SCML4: variants seen among roughly 807,000 people sequenced by gnomAD.
SCML4 encodes the protein Scm polycomb group protein like 4.
In SCML4, 34 loss-of-function variants were observed where a neutral mutation model predicts 41.1. The observed-to-expected ratio is 0.83, with a 90% CI of 0.63 to 1.10. The LOEUF (loss-of-function observed/expected upper bound fraction) is 1.10. SCML4 is among the 50% of genes least tolerant of loss of function. The probability of loss-of-function intolerance (pLI) is 0.00; values close to 1 mark genes in which losing one functional copy is unlikely to be tolerated. For missense variants in SCML4, 522 were observed against 534.1 expected, an observed-to-expected ratio of 0.98 and a Z score of 0.22; for synonymous variants, 214 against 220.9, an observed-to-expected ratio of 0.97 and a Z score of 0.28.
chr6:107,755,732 A>G (rs1779056449), intron 2 of SCML4: 2 of 658,716 alleles, frequency 3.0e-6, no homozygotes, highest in South Asian at 2.4e-5. Flanking sequence ...GTTCTGATAT[A>G]GTGGTTTCTA....
At chr6:107,802,620 A>AAGGTAGGAAGGAAGGAAGGAAGGT (rs1288469286) in intron 1 of SCML4, among the ~76,000 whole-genome samples, 1 of 139,864 alleles carries the variant, frequency 7.1e-6, no homozygotes, top group African/African-American at 2.8e-5. Flanking sequence ...GGAAGGAAGG[A>AAGGTAGGAAGGAAGGAAGGAAGGT]AGGAAGGAAG....
chr6:107,738,569 C>T (rs1171051139), intron 5 of SCML4, among the ~76,000 whole-genome samples: 1 of 151,712 alleles, frequency 6.6e-6, no homozygotes, highest in Non-Finnish European at 1.5e-5. Context: ...CGCAGTGAGC[C>T]GAGTTCGTAC....
chr6:107,815,402 G>A (rs967710631), intron 1 of SCML4, among the ~76,000 whole-genome samples: 1 of 152,220 alleles, frequency 6.6e-6, no homozygotes, highest in African/African-American at 2.4e-5. Context: ...TTACAAAAAA[G>A]CAATATGTAT....
chr6:107,809,531 AC>A (rs1376111828), intron 1 of SCML4, among the ~76,000 whole-genome samples: 13 of 152,174 alleles, frequency 8.5e-5, no homozygotes, highest in African/African-American at 3.1e-4. Context: ...AATGCAGAAA[AC>A]TTTTTTGAAA....
chr6:107,759,166 AC>A (rs1219023273), intron 2 of SCML4, among the ~76,000 whole-genome samples: 2 of 151,346 alleles, frequency 1.3e-5, no homozygotes, highest in East Asian at 3.9e-4. Context: ...CTGAAACAAA[AC>A]AAAACAAAAA....
the SCML4 span, among the ~76,000 whole-genome samples, chr6:107,841,593 G>A: frequency 3.1e-3 from 473 of 152,252 alleles, 8 homozygotes; most frequent in African/African-American, 0.011. Flanking sequence ...TCGTTCCCAC[G>A]TCTGTAAAAT....
At chr6:107,737,930 TA>T (rs1351841850) in intron 5 of SCML4, among the ~76,000 whole-genome samples, 1 of 152,034 alleles carries the variant, frequency 6.6e-6, no homozygotes, top group Non-Finnish European at 1.5e-5. Context: ...TAATTTTTTT[TA>T]AAAAAAGAAA....
At chr6:107,782,404 C>T (rs568147697) in intron 1 of SCML4, among the ~76,000 whole-genome samples, 4 of 152,310 alleles carry the variant, frequency 2.6e-5, no homozygotes, top group Admixed American at 6.5e-5. Flanking sequence ...GGGAGGGATC[C>T]GGTCCCGGGG....
intron 1 of SCML4, among the ~76,000 whole-genome samples, chr6:107,812,872 C>CAT (rs1244878880): frequency 5.8e-5 from 7 of 119,724 alleles, no homozygotes; most frequent in African/African-American, 2.2e-4. Context: ...TCTTTACACA[C>CAT]AGACACATAC....
chr6:107,812,803 C>T (rs1326711893), intron 1 of SCML4, among the ~76,000 whole-genome samples: 1 of 151,760 alleles, frequency 6.6e-6, no homozygotes, highest in Non-Finnish European at 1.5e-5. Flanking sequence ...AGCTTCCAAT[C>T]ACAGATCTCG....
Position 107,703,004 on chromosome 6 carries a change from A to T in SCML4, c.*2196T>A. Among the ~76,000 whole-genome samples, 1 of 152,086 alleles carries T rather than the reference A, an allele frequency of 6.6e-6. No individual in the cohort carries two copies. The highest frequency in any genetic ancestry group is 1.9e-4 in the East Asian group (1 of 5,190). Reference sequence around the variant, plus strand: ...CAAAACCAAGATGGCAACGAGAGTGACCTCTGGTTGTCCTCGCTGCTATAC... The same window carrying T: ...CAAAACCAAGATGGCAACGAGAGTGTCCTCTGGTTGTCCTCGCTGCTATAC... On this transcript the variant is annotated 3_prime_UTR_variant, in exon 8 of 8. Coordinates refer to ENST00000369020, the MANE Select transcript of SCML4 (RefSeq NM_198081.5).
chr6:107,786,564 T>C (rs185065545), intron 1 of SCML4, among the ~76,000 whole-genome samples: 184 of 152,362 alleles, frequency 1.2e-3, no homozygotes, highest in Non-Finnish European at 1.8e-3. Flanking sequence ...TGTTCTAATA[T>C]GCTTGAGCTC....
At chr6:107,759,489 G>A (rs1020372571) in intron 2 of SCML4, among the ~76,000 whole-genome samples, 2 of 152,162 alleles carry the variant, frequency 1.3e-5, no homozygotes, top group African/African-American at 4.8e-5. Context: ...TGGAAGTAGG[G>A]AGGTGGAAAG....
At position 107,751,616 on chromosome 6, in the gene SCML4, T is replaced by TCTCTCTCTCTCTC. The variant is rs1562218800; in HGVS notation, c.157-1804_157-1803insGAGAGAGAGAGAG. On this transcript the variant is annotated intron_variant, in intron 2 of 7. Coordinates refer to ENST00000369020, the MANE Select transcript of SCML4 (RefSeq NM_198081.5). Reference sequence around the variant, plus strand: ...TTTCTTTCTTTCTTTCTTTCTTTCTTTCTTTCTTTCTTTCTTTCTTTCTTT... The same window carrying TCTCTCTCTCTCTC: ...TTTCTTTCTTTCTTTCTTTCTTTCTTCTCTCTCTCTCTCTCTTTCTTTCTTTCTTTCTTTCTTT... Among the ~76,000 whole-genome samples, 9 of 147,694 alleles carry TCTCTCTCTCTCTC rather than the reference T, an allele frequency of 6.1e-5. No homozygotes were observed. In the East Asian group the frequency reaches 1.1e-3, roughly 17 times the overall value.
intron 3 of SCML4, among the ~76,000 whole-genome samples, chr6:107,748,943 A>G (rs78647492): frequency 0.18 from 27,496 of 152,156 alleles, 2,591 homozygotes; most frequent in Middle Eastern, 0.2. Flanking sequence ...AGACCCCATG[A>G]CCAGTCCTGG....
At chr6:107,840,166 T>G in the SCML4 span, among the ~76,000 whole-genome samples, 1 of 152,162 alleles carries the variant, frequency 6.6e-6, no homozygotes, top group African/African-American at 2.4e-5. Context: ...TGCAACATGG[T>G]GGGAACTCAA....
the SCML4 span, among the ~76,000 whole-genome samples, chr6:107,838,548 C>T: frequency 7.5e-3 from 1,141 of 152,284 alleles, 64 homozygotes; most frequent in East Asian, 0.15. Flanking sequence ...CCTCATAGGG[C>T]AGTCAGTAGA....
intron 1 of SCML4, among the ~76,000 whole-genome samples, chr6:107,816,499 T>C (rs1445153094): frequency 1.3e-5 from 2 of 152,166 alleles, no homozygotes; most frequent in Non-Finnish European, 1.5e-5. Flanking sequence ...CGGTTCCATT[T>C]AGATGGATTC....
At chr6:107,800,346 C>G (rs933905068) in intron 1 of SCML4, among the ~76,000 whole-genome samples, 2 of 152,136 alleles carry the variant, frequency 1.3e-5, no homozygotes, top group Non-Finnish European at 2.9e-5. Flanking sequence ...AGGGGCTATT[C>G]AAATTTGCCT....
Sources: gnomAD v4.1 joint callset for allele counts (sites outside exome capture counted in the v4.1 genomes callset) on GRCh38, gnomAD v4.1.1 for gene constraint, MANE v1.5 for transcripts, NCBI Gene and HGNC (gene_info 2026-07-23, HGNC 2026-07-21) for gene names.